The following REPS1 variants were observed in gnomAD, a reference collection of about 807,000 sequenced individuals.
REPS1 encodes the protein RALBP1 associated Eps domain containing 1.
A neutral mutation model predicts 100.9 loss-of-function variants in REPS1; 39 were observed. That is an observed-to-expected ratio of 0.39 (90% confidence interval 0.30 to 0.50). The LOEUF (loss-of-function observed/expected upper bound fraction) is 0.50, where lower values mean the gene tolerates loss of function less well. REPS1 is among the 20% of genes least tolerant of loss of function. The pLI is 0.86. For synonymous variants in REPS1, 324 were observed against 340.3 expected, an observed-to-expected ratio of 0.95 and a Z score of 0.53; for missense variants, 821 against 968.5, an observed-to-expected ratio of 0.85 and a Z score of 2.02.
intron 16 of REPS1, chr6:138,912,539 T>G: frequency 1.8e-6 from 1 of 541,748 alleles, no homozygotes; most frequent in Non-Finnish European, 3.3e-6. Flanking sequence ...GGCCAGGCGG[T>G]GGTGTCTTTG....
In REPS1 at chr6:138,914,932, A is replaced by C. The variant is rs1780252091; in HGVS notation, c.1721-171T>G. 16 of 591,878 alleles carry C rather than the reference A, an allele frequency of 2.7e-5. No individual in the cohort carries two copies. In the South Asian group the frequency reaches 3.2e-4, roughly 12 times the overall value. 36.7% of individuals were successfully genotyped at this position (591,878 alleles called of 1,614,324 possible). ...GGTCTGTATGTAACCTAAAGACCAA[A>C]TCTCACAGCCTTTCATCAGATCTCA... On this transcript the variant is annotated intron_variant, in intron 14 of 19. Transcript: ENST00000450536.
intron 1 of REPS1, among the ~76,000 whole-genome samples, chr6:138,967,049 T>A (rs185277306): frequency 6.6e-6 from 1 of 152,228 alleles, no homozygotes; most frequent in Non-Finnish European, 1.5e-5. Context: ...CCTTCGTGAA[T>A]AGATTAATGT....
At chr6:138,926,626 C>T (rs570936008) in intron 9 of REPS1, 145 bp from the exon 10 acceptor site, 390 of 613,522 alleles carry the variant, frequency 6.4e-4, no homozygotes, top group Non-Finnish European at 9.5e-4. Context: ...TCTATTTTTC[C>T]GTCAACATTT....
chr6:138,907,336 G>T, intron 19 of REPS1, 159 bp downstream of exon 19: 1 of 494,904 alleles, frequency 2.0e-6, no homozygotes, highest in South Asian at 2.2e-5. Context: ...GTGTGTGTGT[G>T]TGTGGCGGGG....
intron 1 of REPS1, among the ~76,000 whole-genome samples, chr6:138,971,295 A>G (rs950802756): frequency 2.0e-5 from 3 of 152,190 alleles, no homozygotes; most frequent in Admixed American, 6.5e-5. Context: ...GACAAGTAGT[A>G]CAATCTGTAA....
intron 1 of REPS1, among the ~76,000 whole-genome samples, chr6:138,961,102 T>A (rs547602916): frequency 1.3e-5 from 2 of 152,292 alleles, no homozygotes; most frequent in East Asian, 1.9e-4. Flanking sequence ...TTACTTTAGC[T>A]CTCAACACAC....
At position 138,956,187 on chromosome 6, in the gene REPS1, A is replaced by G. The variant is rs1783376170; in HGVS notation, c.154-8274T>C. On this transcript the variant is annotated intron_variant, in intron 1 of 19. Coordinates refer to ENST00000450536, the MANE Select transcript of REPS1 (RefSeq NM_001286611.2). ...GCTCTGCCTTCAGGACTCTCATTAT[A>G]ATGACAGTAAGGGAATAAACCCACA... Among the ~76,000 whole-genome samples the G allele has an allele frequency of 2.6e-5, 4 of 152,100 alleles. No homozygotes were observed. In the South Asian group the frequency reaches 8.3e-4, roughly 32 times the overall value.
chr6:138,927,005 G>C (rs950271386), intron 9 of REPS1: 3 of 152,432 alleles, frequency 2.0e-5, no homozygotes, highest in African/African-American at 7.2e-5. Context: ...CATATGTATA[G>C]ATATTTAATA....
At chr6:138,979,537 G>T (rs966294558) in intron 1 of REPS1, among the ~76,000 whole-genome samples, 1 of 151,998 alleles carries the variant, frequency 6.6e-6, no homozygotes, top group Non-Finnish European at 1.5e-5. Context: ...CATGAAACTG[G>T]CTCACTGAAG....
Position 138,945,501 on chromosome 6 carries a change from C to T in REPS1, c.474G>A (p.Gln158=). 1 of 1,598,384 alleles carries T rather than the reference C, an allele frequency of 6.3e-7. No individual in the cohort carries two copies. Among genetic ancestry groups the T allele is most frequent in the Non-Finnish European group, 8.5e-7 (1 of 1,172,860 alleles). The change falls in exon 3 of 20, where the codon CAG becomes CAA. Residue 158 remains glutamine, a splice_region_variant and synonymous_variant. Transcript: ENST00000450536. ...CTAATATTTACATGCATGTGATTACCTGTGCATCTGCAGATGTACGAGGCT... is the reference window on the plus strand; with the variant it reads ...CTAATATTTACATGCATGTGATTACTTGTGCATCTGCAGATGTACGAGGCT... The part of the protein sequence containing the change: ...TVQPRTSADA[Q]EPASPVVSPQ...
chr6:138,983,323 C>T lies in REPS1; in HGVS notation c.153+4207G>A, dbSNP rs565090355. 9.2e-4 allele frequency among the ~76,000 whole-genome samples: 140 copies of T among 152,122 alleles called. 1 individual carries two copies. Among genetic ancestry groups the T allele is most frequent in the African/African-American group, 3.2e-3 (134 of 41,516 alleles). ...AAAAATTAGCCGAGTGTGGTGGTGG[C>T]GCATGCCTGTAGTCCCAGCTACCCA... On this transcript the variant is annotated intron_variant, in intron 1 of 19. Coordinates refer to ENST00000450536, the MANE Select transcript of REPS1 (RefSeq NM_001286611.2).
At chr6:138,981,720 T>A (rs953298746) in intron 1 of REPS1, among the ~76,000 whole-genome samples, 1 of 152,086 alleles carries the variant, frequency 6.6e-6, no homozygotes, top group East Asian at 1.9e-4. Context: ...GAAAACCCAA[T>A]CCCATAGCTA....
At chr6:138,952,115 T>C (rs1051930799) in intron 1 of REPS1, among the ~76,000 whole-genome samples, 1 of 152,154 alleles carries the variant, frequency 6.6e-6, no homozygotes, top group African/African-American at 2.4e-5. Flanking sequence ...AAAATGTACA[T>C]GCTCATGGTA....
chr6:138,955,953 A>G (rs897023094), intron 1 of REPS1, among the ~76,000 whole-genome samples: 5 of 152,180 alleles, frequency 3.3e-5, no homozygotes, highest in Admixed American at 2.0e-4. Context: ...ATTACTTTCC[A>G]TTTACTACCC....
At chr6:138,906,342 A>C (rs2698739) in intron 19 of REPS1, among the ~76,000 whole-genome samples, 91,412 of 152,070 alleles carry the variant, frequency 0.6, 27,932 homozygotes, top group Non-Finnish European at 0.66. Context: ...CAGACATTAA[A>C]AAATGCCTAA....
At chr6:138,946,619 T>A (rs1281102431) in intron 2 of REPS1, among the ~76,000 whole-genome samples, 2 of 152,174 alleles carry the variant, frequency 1.3e-5, no homozygotes, top group African/African-American at 4.8e-5. Flanking sequence ...AGGTCCACAA[T>A]GAAAACCTCT....
intron 1 of REPS1, among the ~76,000 whole-genome samples, chr6:138,982,428 C>T (rs2128514878): frequency 6.6e-6 from 1 of 152,336 alleles, no homozygotes; most frequent in South Asian, 2.1e-4. Flanking sequence ...AACCCTTTAT[C>T]AATCTATTAT....
chr6:138,978,727 GATTTT>G (rs1336944825), intron 1 of REPS1, among the ~76,000 whole-genome samples: 1 of 152,038 alleles, frequency 6.6e-6, no homozygotes, highest in Non-Finnish European at 1.5e-5. Flanking sequence ...TTCATATTAA[GATTTT>G]ATGTTACTAC....
chr6:138,907,576 A>G lies in REPS1; in HGVS notation c.2241T>C (p.Ala747=). ...TATTACGTCTAATTGATGCCTGAAT[A>G]GCTTTCTTATCTTTCCCAACAGATC... is the stretch of plus-strand genomic sequence containing the variant. ...IPRSVGKDKK[A]IQASIRRNKE... Residue 747 remains alanine, a synonymous_variant, in exon 19 of 20, where the codon GCT becomes GCC. Transcript: ENST00000450536. The G allele has an allele frequency of 6.2e-7, 1 of 1,613,342 alleles. No individual in the cohort carries two copies. Among genetic ancestry groups the G allele is most frequent in the Non-Finnish European group, 8.5e-7 (1 of 1,179,396 alleles).
Sources: allele counts gnomAD v4.1 joint callset (sites outside exome capture counted in the v4.1 genomes callset), GRCh38; gene constraint gnomAD v4.1.1; transcripts MANE v1.5; gene names NCBI Gene and HGNC (gene_info 2026-07-23, HGNC 2026-07-21).